XKR6: variants seen among roughly 807,000 people sequenced by gnomAD.
The protein encoded by XKR6 is XK related 6, also known as XK-related protein 6.
XKR6 carries 22 observed loss-of-function variants against 56.7 expected under a neutral mutation model. That is an observed-to-expected ratio of 0.39 (90% CI 0.28 to 0.55). The LOEUF (loss-of-function observed/expected upper bound fraction) is 0.55, where lower values mean the gene tolerates loss of function less well. Among genes scored for constraint, XKR6 ranks in the 20% least tolerant of loss-of-function variants. The probability of loss-of-function intolerance (pLI) is 0.66; values close to 1 mark genes in which losing one functional copy is unlikely to be tolerated. For synonymous variants in XKR6, 524 were observed against 387.8 expected, an observed-to-expected ratio of 1.35 and a Z score of -4.13; for missense variants, 852 against 889.0, an observed-to-expected ratio of 0.96 and a Z score of 0.53.
chr8:10,976,750 CCTGTCTCTCTCTCTCTCTCTCTCTCT>C (rs1470919177), intron 1 of XKR6, among the ~76,000 whole-genome samples: 1 of 115,846 alleles, frequency 8.6e-6, no homozygotes, highest in African/African-American at 3.2e-5. Context: ...GGCTACCTCG[CCTGTCTCTCTCTCTCTCTCTCTCTCT>C]CTGTCTCTCT....
chr8:11,035,939 C>CT (rs58989028), intron 1 of XKR6, among the ~76,000 whole-genome samples: 6,380 of 101,722 alleles, frequency 0.063, 653 homozygotes, highest in African/African-American at 0.16. Flanking sequence ...CTGTGAAAGT[C>CT]TTTTTTTTTT....
At chr8:10,942,085 G>A (rs1801400632) in intron 1 of XKR6, among the ~76,000 whole-genome samples, 1 of 152,058 alleles carries the variant, frequency 6.6e-6, no homozygotes, top group Admixed American at 6.6e-5. Flanking sequence ...TCTTATCCTG[G>A]GAGGATGCAG....
chr8:10,987,513 T>C (rs563575099), intron 1 of XKR6, among the ~76,000 whole-genome samples: 1 of 152,338 alleles, frequency 6.6e-6, no homozygotes, highest in South Asian at 2.1e-4. Context: ...CATCATCCCT[T>C]GTGTGACTAT....
chr8:10,952,071 G>A (rs974678184), intron 1 of XKR6, among the ~76,000 whole-genome samples: 7 of 152,300 alleles, frequency 4.6e-5, no homozygotes, highest in African/African-American at 1.4e-4. Flanking sequence ...ATGCAGCACA[G>A]GTCCACGGCA....
intron 1 of XKR6, among the ~76,000 whole-genome samples, chr8:11,077,522 T>C (rs1800305982): frequency 6.6e-6 from 1 of 152,160 alleles, no homozygotes; most frequent in Non-Finnish European, 1.5e-5. Context: ...AGAAAGCTGG[T>C]GGCTCAGGGT....
intron 1 of XKR6, among the ~76,000 whole-genome samples, chr8:10,947,767 G>A (rs566126856): frequency 3.9e-5 from 6 of 152,298 alleles, no homozygotes; most frequent in Admixed American, 6.5e-5. Flanking sequence ...ATAGCCCACC[G>A]CCAGGGGAAC....
intron 1 of XKR6, among the ~76,000 whole-genome samples, chr8:10,944,668 C>A (rs929579114): frequency 6.6e-6 from 1 of 152,212 alleles, no homozygotes; most frequent in African/African-American, 2.4e-5. Flanking sequence ...ACTCTAGAAC[C>A]TTCCACAGCC....
intron 1 of XKR6, among the ~76,000 whole-genome samples, chr8:11,057,204 C>G (rs1799707687): frequency 6.6e-6 from 1 of 152,188 alleles, no homozygotes; most frequent in Admixed American, 6.5e-5. Flanking sequence ...ATCAATTACT[C>G]TATAAGGAGC....
At chr8:11,067,370 C>T (rs987510297) in intron 1 of XKR6, among the ~76,000 whole-genome samples, 3 of 152,190 alleles carry the variant, frequency 2.0e-5, no homozygotes, top group African/African-American at 7.2e-5. Flanking sequence ...GCCCCCCACC[C>T]GGGTGATCTC....
rs548190048 is a variant in XKR6 at position 11,143,017 on chromosome 8, G to C, written c.764+57559C>G. ...AAGGAAAGAATCAAATATTCATCTT[G>C]ACTTTCCTAAATAAACTCAACAACC... On this transcript the variant is annotated intron_variant, in intron 1 of 2. Transcript: ENST00000416569. Among the ~76,000 whole-genome samples, 6 of 152,240 alleles carry C rather than the reference G, an allele frequency of 3.9e-5. No individual in the cohort carries two copies. In the South Asian group the frequency reaches 6.2e-4, roughly 16 times the overall value.
chr8:11,179,024 T>TC, intron 1 of XKR6, among the ~76,000 whole-genome samples: 1 of 145,156 alleles, frequency 6.9e-6, no homozygotes, highest in East Asian at 2.0e-4. Flanking sequence ...CTTTTTCTTT[T>TC]TTTTTTTTTT....
At chr8:10,930,669 A>G (rs532573760) in intron 1 of XKR6, among the ~76,000 whole-genome samples, 1 of 152,388 alleles carries the variant, frequency 6.6e-6, no homozygotes, top group African/African-American at 2.4e-5. Flanking sequence ...AATGTAATCT[A>G]TGACATTAAT....
chr8:10,948,285 C>T (rs941872850), intron 1 of XKR6, among the ~76,000 whole-genome samples: 1 of 152,196 alleles, frequency 6.6e-6, no homozygotes, highest in Non-Finnish European at 1.5e-5. Context: ...AGCAGATGGA[C>T]CCTCTCCCTC....
chr8:10,961,285 G>A (rs369229286), intron 1 of XKR6, among the ~76,000 whole-genome samples: 14 of 152,348 alleles, frequency 9.2e-5, no homozygotes, highest in African/African-American at 3.4e-4. Flanking sequence ...CCGGGACGCT[G>A]GAGGCCATGT....
chr8:11,144,564 G>A (rs1194825706), intron 1 of XKR6, among the ~76,000 whole-genome samples: 2 of 151,884 alleles, frequency 1.3e-5, no homozygotes, highest in South Asian at 2.1e-4. Context: ...TTTGACTAAC[G>A]AGCAGTTTGA....
chr8:11,027,003 A>G (rs143774343), intron 1 of XKR6, among the ~76,000 whole-genome samples: 163 of 152,276 alleles, frequency 1.1e-3, no homozygotes, highest in African/African-American at 3.8e-3. Flanking sequence ...GGTCTAGCCT[A>G]CTATACACTT....
intron 2 of XKR6, among the ~76,000 whole-genome samples, chr8:10,913,280 T>G (rs1371226784): frequency 6.6e-6 from 1 of 151,928 alleles, no homozygotes; most frequent in Non-Finnish European, 1.5e-5. Context: ...CCATCTGCCT[T>G]TTTCGCCTCT....
chr8:11,182,692 G>C (rs956420983), intron 1 of XKR6, among the ~76,000 whole-genome samples: 5 of 152,216 alleles, frequency 3.3e-5, no homozygotes, highest in Non-Finnish European at 7.3e-5. Flanking sequence ...AAAACATCTA[G>C]AGTATTTGTA....
At chr8:11,159,474 C>G (rs1801688328) in intron 1 of XKR6, among the ~76,000 whole-genome samples, 1 of 152,248 alleles carries the variant, frequency 6.6e-6, no homozygotes, top group Non-Finnish European at 1.5e-5. Context: ...TCACTTTCTG[C>G]TAACAGACGC....
Sources: allele counts gnomAD v4.1 joint callset (sites outside exome capture counted in the v4.1 genomes callset), GRCh38; gene constraint gnomAD v4.1.1; transcripts MANE v1.5; gene names NCBI Gene and HGNC (gene_info 2026-07-23, HGNC 2026-07-21).